IQGAP2: variants seen among roughly 807,000 people sequenced by gnomAD.
IQGAP2 encodes the protein ras GTPase-activating-like protein IQGAP2.
In IQGAP2, 173 loss-of-function variants were observed where a neutral mutation model predicts 201.3. The observed-to-expected ratio is 0.86, with a 90% confidence interval of 0.76 to 0.98. IQGAP2 has a LOEUF of 0.98. IQGAP2 is among the 50% of genes least tolerant of loss of function. The pLI, the probability that IQGAP2 is intolerant of heterozygous loss-of-function variation, is 0.00. For missense variants in IQGAP2, 1,687 were observed against 1,864.8 expected, an observed-to-expected ratio of 0.90 and a Z score of 1.76; for synonymous variants, 675 against 673.9, an observed-to-expected ratio of 1.00 and a Z score of -0.03.
intron 19 of IQGAP2, 118 bp from the exon 20 acceptor site, chr5:76,654,816 C>A (rs1752782598): frequency 1.6e-6 from 1 of 641,296 alleles, no homozygotes; most frequent in Non-Finnish European, 2.8e-6. Flanking sequence ...CATTGAAATA[C>A]TGTCAGTTCT....
chr5:76,632,152 A>C (rs1184425666), intron 15 of IQGAP2, 126 bp downstream of exon 15: 1 of 803,770 alleles, frequency 1.2e-6, no homozygotes, highest in Non-Finnish European at 1.9e-6. Flanking sequence ...TTTGTCATCT[A>C]TGGCTAAGGA....
Position 76,641,070 on chromosome 5 carries a change from G to C in IQGAP2, c.2061G>C (p.Leu687Phe), listed in dbSNP as rs1332390160. Residue 687 changes from leucine (L) to phenylalanine (F), a missense_variant, in exon 17 of 36, where the codon TTG becomes TTC. Transcript: ENST00000274364. ...AGTTTGAAGCTAGAAAATCATTTTTGCATGAACAAGAAGAGAATGTGGTCA... is the reference window on the plus strand; with the variant it reads ...AGTTTGAAGCTAGAAAATCATTTTTCCATGAACAAGAAGAGAATGTGGTCA... The part of the protein sequence containing the change: ...REEFEARKSF[L>F]HEQEENVVKI... The C allele has an allele frequency of 6.2e-7, 1 of 1,607,280 alleles. No individual in the cohort carries two copies. Among genetic ancestry groups the C allele is most frequent in the Admixed American group, 1.7e-5 (1 of 59,872 alleles).
At chr5:76,512,346 T>C (rs1758020546) in intron 2 of IQGAP2, among the ~76,000 whole-genome samples, 3 of 152,190 alleles carry the variant, frequency 2.0e-5, no homozygotes, top group African/African-American at 7.2e-5. Flanking sequence ...GAAGGAAAAT[T>C]TAAAACCTTA....
At chr5:76,457,290 T>A (rs1195474132) in intron 1 of IQGAP2, among the ~76,000 whole-genome samples, 1 of 152,184 alleles carries the variant, frequency 6.6e-6, no homozygotes, top group Non-Finnish European at 1.5e-5. Flanking sequence ...TTTCTATGAA[T>A]TGGTAATTCC....
intron 2 of IQGAP2, among the ~76,000 whole-genome samples, chr5:76,513,638 A>C (rs1490026011): frequency 1.3e-5 from 2 of 152,212 alleles, no homozygotes; most frequent in African/African-American, 2.4e-5. Flanking sequence ...TATGATTCCA[A>C]GTACATGACA....
At chr5:76,509,984 C>CTTTTTTT (rs11331690) in intron 2 of IQGAP2, among the ~76,000 whole-genome samples, 8 of 138,064 alleles carry the variant, frequency 5.8e-5, no homozygotes, top group African/African-American at 8.1e-5. Context: ...AATTTTCTTT[C>CTTTTTTT]TTTTTTTTTT....
rs73123704 is a variant in IQGAP2 at position 76,611,358 on chromosome 5, G to A, written c.1521+175G>A. 4.6e-3 allele frequency among the ~76,000 whole-genome samples: 703 copies of A among 152,204 alleles called. 8 individuals are homozygous for A. Among genetic ancestry groups the A allele is most frequent in the African/African-American group, 0.016 (678 of 41,494 alleles). On this transcript the variant is annotated intron_variant, in intron 13 of 35. Transcript: ENST00000274364. ...TATTTTCCTGGTAACAAACATTGGG[G>A]GGAAACCAGCTCCAGAGCTATTTAT...
chr5:76,415,322 C>T (rs1371794911), intron 1 of IQGAP2, among the ~76,000 whole-genome samples: 12 of 152,198 alleles, frequency 7.9e-5, no homozygotes, highest in Non-Finnish European at 1.5e-5. Flanking sequence ...AACATGGCAG[C>T]AGTGATTCTG....
chr5:76,652,060 C>T (rs944722511), intron 17 of IQGAP2, among the ~76,000 whole-genome samples: 17 of 152,158 alleles, frequency 1.1e-4, no homozygotes, highest in African/African-American at 4.1e-4. Flanking sequence ...AAAAGATGCT[C>T]ATAAATGAAT....
intron 2 of IQGAP2, among the ~76,000 whole-genome samples, chr5:76,551,255 C>CA (rs1447613328): frequency 6.7e-6 from 1 of 148,896 alleles, no homozygotes; most frequent in African/African-American, 2.5e-5. Context: ...ACATCCCAGA[C>CA]GGGGCGGCGG....
At chr5:76,509,930 A>G (rs949100612) in intron 2 of IQGAP2, among the ~76,000 whole-genome samples, 1 of 151,984 alleles carries the variant, frequency 6.6e-6, no homozygotes, top group Non-Finnish European at 1.5e-5. Flanking sequence ...ATGGGAAACA[A>G]TATTTAGAGA....
At chr5:76,524,183 T>A (rs1039368174) in intron 2 of IQGAP2, among the ~76,000 whole-genome samples, 1 of 152,210 alleles carries the variant, frequency 6.6e-6, no homozygotes, top group Admixed American at 6.5e-5. Flanking sequence ...GCTTTGGTCT[T>A]AATAATGCAA....
At chr5:76,558,102 G>A (rs533930062) in intron 2 of IQGAP2, among the ~76,000 whole-genome samples, 2 of 152,270 alleles carry the variant, frequency 1.3e-5, no homozygotes, top group African/African-American at 4.8e-5. Flanking sequence ...ACCATGCCCG[G>A]CCTGGTATCA....
At chr5:76,509,524 G>A (rs1174393912) in intron 2 of IQGAP2, among the ~76,000 whole-genome samples, 1 of 151,840 alleles carries the variant, frequency 6.6e-6, no homozygotes, top group East Asian at 1.9e-4. Flanking sequence ...AGCCTCCCGA[G>A]TAGACTACAG....
chr5:76,589,029 C>T, intron 6 of IQGAP2, 56 bp downstream of exon 6: 9 of 1,254,880 alleles, frequency 7.2e-6, no homozygotes, highest in Non-Finnish European at 1.0e-5. Context: ...AGTACCAATA[C>T]CTGGCCGGGC....
chr5:76,572,562 C>T (rs920879697), intron 4 of IQGAP2, among the ~76,000 whole-genome samples: 1 of 151,662 alleles, frequency 6.6e-6, no homozygotes, highest in African/African-American at 2.4e-5. Context: ...TGTAACCTCC[C>T]GAGTAGCTGG....
chr5:76,623,147 CCCCT>C lies in IQGAP2; in HGVS notation c.1522-4262_1522-4259del. On this transcript the variant is annotated intron_variant, in intron 13 of 35. Transcript: ENST00000274364. ...ACAGAAACCCACATCCCCATCCTAC[CCCCT>C]GAGAAAATTGCTTACCACTCTGACA... 3 of 1,613,212 alleles carry C rather than the reference CCCCT, an allele frequency of 1.9e-6. No individual in the cohort carries two copies. In the African/African-American group the frequency reaches 4.0e-5, roughly 22 times the overall value.
At chr5:76,458,030 A>T (rs1754207699) in intron 1 of IQGAP2, among the ~76,000 whole-genome samples, 1 of 152,242 alleles carries the variant, frequency 6.6e-6, no homozygotes, top group Non-Finnish European at 1.5e-5. Flanking sequence ...AAGCCACTTA[A>T]ATGACCTGCT....
At chr5:76,693,035 C>T (rs1746413166) in intron 30 of IQGAP2, among the ~76,000 whole-genome samples, 1 of 152,158 alleles carries the variant, frequency 6.6e-6, no homozygotes, top group Admixed American at 6.5e-5. Context: ...GCTCCCCCTG[C>T]CCATCAAAAA....
Sources: gnomAD v4.1 joint callset for allele counts (sites outside exome capture counted in the v4.1 genomes callset) on GRCh38, gnomAD v4.1.1 for gene constraint, MANE v1.5 for transcripts, NCBI Gene and HGNC (gene_info 2026-07-23, HGNC 2026-07-21) for gene names.